Variants in LTBP1 observed in about 807,000 individuals in gnomAD.
LTBP1 encodes latent transforming growth factor beta binding protein 1, also known as latent-transforming growth factor beta-binding protein 1.
A neutral mutation model predicts 207.6 loss-of-function variants in LTBP1; 129 were observed. The observed-to-expected ratio is 0.62, with a 90% CI of 0.54 to 0.72. The LOEUF (loss-of-function observed/expected upper bound fraction) is 0.72, where lower values mean the gene tolerates loss of function less well. LTBP1 is among the 30% of genes least tolerant of loss of function. LTBP1 has a pLI of 0.00. For missense variants in LTBP1, 2,281 were observed against 2,217.2 expected, an observed-to-expected ratio of 1.03 and a Z score of -0.58; for synonymous variants, 963 against 833.7, an observed-to-expected ratio of 1.16 and a Z score of -2.67.
intron 6 of LTBP1, among the ~76,000 whole-genome samples, chr2:33,187,490 A>C (rs2087339136): frequency 1.3e-5 from 2 of 152,236 alleles, no homozygotes; most frequent in South Asian, 2.1e-4. Context: ...GCTTGGTTTT[A>C]GTTGTAAACA....
chr2:33,299,922 T>G (rs2093951823), intron 20 of LTBP1, among the ~76,000 whole-genome samples: 1 of 152,246 alleles, frequency 6.6e-6, no homozygotes, highest in African/African-American at 2.4e-5. Flanking sequence ...TACTACCATT[T>G]CTCTTGGCTT....
At chr2:33,083,703 A>T (rs2078579698) in intron 3 of LTBP1, among the ~76,000 whole-genome samples, 1 of 152,226 alleles carries the variant, frequency 6.6e-6, no homozygotes. Flanking sequence ...AGGAAGCCAT[A>T]TTACCAAACT....
intron 25 of LTBP1, among the ~76,000 whole-genome samples, chr2:33,344,666 A>G (rs2094677637): frequency 1.3e-5 from 2 of 152,180 alleles, no homozygotes; most frequent in East Asian, 1.9e-4. Flanking sequence ...AAATTCTATT[A>G]TAGCACTTAC....
intron 3 of LTBP1, among the ~76,000 whole-genome samples, chr2:33,083,756 G>T (rs2078584797): frequency 6.6e-6 from 1 of 152,184 alleles, no homozygotes; most frequent in Non-Finnish European, 1.5e-5. Flanking sequence ...TCTCATTGCA[G>T]AATGTTACCA....
chr2:33,047,363 C>G (rs116420750), intron 3 of LTBP1, among the ~76,000 whole-genome samples: 2 of 152,220 alleles, frequency 1.3e-5, no homozygotes, highest in East Asian at 3.9e-4. Context: ...GCCTTAATTT[C>G]GTTATGTACC....
intron 31 of LTBP1, among the ~76,000 whole-genome samples, chr2:33,388,972 C>A (rs555329572): frequency 6.6e-6 from 1 of 152,254 alleles, no homozygotes; most frequent in African/African-American, 2.4e-5. Context: ...CAATTTGGAA[C>A]CTTAATTATG....
At chr2:33,209,731 T>C in intron 7 of LTBP1, among the ~76,000 whole-genome samples, 1 of 152,234 alleles carries the variant, frequency 6.6e-6, no homozygotes, top group East Asian at 1.9e-4. Flanking sequence ...ATATTGTATA[T>C]CGAATAACTA....
chr2:33,397,263 G>A lies in LTBP1; in HGVS notation c.4965G>A (p.Thr1655=), dbSNP rs1142866. 115 of 1,614,018 alleles carry A rather than the reference G, an allele frequency of 7.1e-5. 3 individuals carry two copies. In the African/African-American group the frequency reaches 7.9e-4, roughly 11 times the overall value. ...GCTTTGATGGGTATCACTTGGATAC[G>A]GCCAAGATGACCTGTGTCGGTAAGA... ...CDCFDGYHLD[T]AKMTCVDVNE... is the part of the protein sequence containing the mutation. Residue 1655 remains threonine, a synonymous_variant, in exon 33 of 34, where the codon ACG becomes ACA. Coordinates refer to ENST00000404816, the MANE Select transcript of LTBP1 (RefSeq NM_206943.4).
intron 2 of LTBP1, among the ~76,000 whole-genome samples, chr2:32,963,562 A>G (rs779113744): frequency 1.3e-5 from 2 of 152,180 alleles, no homozygotes; most frequent in Non-Finnish European, 2.9e-5. Context: ...AGGAGTGGCA[A>G]AGAAACCAGT....
At chr2:33,024,171 TG>T (rs1202129491) in intron 3 of LTBP1, among the ~76,000 whole-genome samples, 24 of 152,348 alleles carry the variant, frequency 1.6e-4, no homozygotes, top group African/African-American at 5.8e-4. Flanking sequence ...ATAAAATGTC[TG>T]CTTTCTTGGA....
intron 2 of LTBP1, among the ~76,000 whole-genome samples, chr2:32,969,438 C>T (rs967722338): frequency 6.6e-6 from 1 of 152,108 alleles, no homozygotes; most frequent in South Asian, 2.1e-4. Flanking sequence ...CTATCTCCAC[C>T]CTCACGTAGG....
chr2:33,277,451 T>G (rs1460240951), intron 18 of LTBP1, among the ~76,000 whole-genome samples: 1 of 152,176 alleles, frequency 6.6e-6, no homozygotes, highest in African/African-American at 2.4e-5. Context: ...CCACTGACTT[T>G]GCCCCTTTGA....
intron 9 of LTBP1, among the ~76,000 whole-genome samples, chr2:33,233,662 G>C (rs994604011): frequency 6.6e-6 from 1 of 152,038 alleles, no homozygotes. Flanking sequence ...TTGGAGTTTG[G>C]GGCCGTTGGT....
rs1362535304 is a variant in LTBP1, at chr2:33,192,536, C to A, written c.1701+3685C>A. ...GCCTGGTTTCTTAAAAAAAAAAAAT[C>A]AGAGTATAAAAGAAAGTGAGATGAT... On this transcript the variant is annotated intron_variant, in intron 7 of 33. Coordinates refer to ENST00000404816, the MANE Select transcript of LTBP1 (RefSeq NM_206943.4). Among the ~76,000 whole-genome samples, 3 of 149,904 alleles carry A rather than the reference C, an allele frequency of 2.0e-5. No individual in the cohort carries two copies. In the East Asian group the frequency reaches 5.8e-4, roughly 29 times the overall value.
chr2:33,006,037 A>G (rs947533845), intron 2 of LTBP1, among the ~76,000 whole-genome samples: 1 of 152,104 alleles, frequency 6.6e-6, no homozygotes, highest in Non-Finnish European at 1.5e-5. Flanking sequence ...CCTGTCCCTA[A>G]TCATTGTGTG....
chr2:33,378,343 A>G (rs1461434664), intron 31 of LTBP1, among the ~76,000 whole-genome samples: 1 of 151,930 alleles, frequency 6.6e-6, no homozygotes, highest in African/African-American at 2.4e-5. Context: ...CACCTGCCAC[A>G]GCCTCCCGAG....
chr2:33,090,614 A>C (rs1255863153), intron 3 of LTBP1, among the ~76,000 whole-genome samples: 1 of 152,122 alleles, frequency 6.6e-6, no homozygotes, highest in Non-Finnish European at 1.5e-5. Flanking sequence ...TGGAAAGTTT[A>C]AGTGATTTGT....
chr2:33,334,535 C>G (rs1269005686), intron 24 of LTBP1, among the ~76,000 whole-genome samples: 1 of 152,088 alleles, frequency 6.6e-6, no homozygotes, highest in South Asian at 2.1e-4. Flanking sequence ...ACTGGAGATA[C>G]AACCAAAAGA....
At chr2:33,039,998 G>A (rs2076105713) in intron 3 of LTBP1, among the ~76,000 whole-genome samples, 1 of 152,134 alleles carries the variant, frequency 6.6e-6, no homozygotes, top group Non-Finnish European at 1.5e-5. Context: ...TCAAGGAGCA[G>A]CCAGAAAAGA....
Sources: gnomAD v4.1 joint callset for allele counts (sites outside exome capture counted in the v4.1 genomes callset) on GRCh38, gnomAD v4.1.1 for gene constraint, MANE v1.5 for transcripts, NCBI Gene and HGNC (gene_info 2026-07-23, HGNC 2026-07-21) for gene names.